The following HPSE2 variants were observed in gnomAD, a reference collection of about 807,000 sequenced individuals.
HPSE2 encodes the protein heparanase 2 (inactive).
In HPSE2, 38 loss-of-function variants were observed where a neutral mutation model predicts 60.5. The ratio of observed to expected loss-of-function variants is 0.63; its 90% CI spans 0.48 to 0.82. HPSE2 has a LOEUF of 0.82. Among genes scored for constraint, HPSE2 ranks in the 40% least tolerant of loss-of-function variants. HPSE2 has a pLI of 0.00. For synonymous variants in HPSE2, 295 were observed against 293.2 expected (o/e 1.01, Z -0.06); for missense variants, 713 against 740.4 (o/e 0.96, Z 0.43).
intron 11 of HPSE2, among the ~76,000 whole-genome samples, chr10:98,463,570 G>A (rs1037957149): frequency 2.0e-5 from 3 of 152,150 alleles, no homozygotes; most frequent in Admixed American, 6.5e-5. Context: ...GGGAGGCTGA[G>A]GCAGGAGGAT....
chr10:99,155,015 C>T (rs1032163832), intron 2 of HPSE2, among the ~76,000 whole-genome samples: 30 of 150,728 alleles, frequency 2.0e-4, no homozygotes, highest in African/African-American at 7.0e-4. Context: ...AAGGACATTA[C>T]ATAATGGTAA....
chr10:99,163,390 C>G (rs1397722786), intron 2 of HPSE2, among the ~76,000 whole-genome samples: 1 of 152,120 alleles, frequency 6.6e-6, no homozygotes, highest in East Asian at 1.9e-4. Flanking sequence ...GTAAAGTCCT[C>G]AGTTTACCAC....
chr10:98,624,108 A>G (rs1946143557), intron 7 of HPSE2, among the ~76,000 whole-genome samples: 1 of 152,214 alleles, frequency 6.6e-6, no homozygotes, highest in African/African-American at 2.4e-5. Context: ...GGTCTATAGC[A>G]ATGAAGCATA....
intron 3 of HPSE2, among the ~76,000 whole-genome samples, chr10:98,836,074 T>C (rs938818744): frequency 1.2e-4 from 18 of 152,208 alleles, no homozygotes; most frequent in African/African-American, 4.3e-4. Flanking sequence ...CTTCAATCCA[T>C]ACAAGGAAAG....
Position 99,126,449 on chromosome 10 carries a change from T to A in HPSE2, c.610+17789A>T, listed in dbSNP as rs1203090853. ...GCCTGGGAAACCAGAATAGTTACCC[T>A]GGCCAATGTATGGCAAGCGTAGATC... On this transcript the variant is annotated intron_variant, in intron 3 of 11. Transcript: ENST00000370552. The surrounding 1 kb of genome is among the most constrained non-coding windows in gnomAD (Gnocchi z 4.0). Among the ~76,000 whole-genome samples, 2 of 152,172 alleles carry A rather than the reference T, an allele frequency of 1.3e-5. No homozygotes were observed. Among genetic ancestry groups the A allele is most frequent in the Non-Finnish European group, 2.9e-5 (2 of 68,032 alleles).
At chr10:98,889,175 C>T (rs1008827451) in intron 3 of HPSE2, among the ~76,000 whole-genome samples, 11 of 147,660 alleles carry the variant, frequency 7.4e-5, no homozygotes, top group African/African-American at 2.8e-4. Flanking sequence ...ATCTTATAGA[C>T]TAGATTTTGC....
chr10:99,235,823 C>T lies in HPSE2; in HGVS notation c.-21G>A, dbSNP rs779563984. ...CTCATTCAATCCCTCTGATTTAAACCTCTCTTCCTACTGGGTCTCGCTAGT... is the reference window on the plus strand; with the variant it reads ...CTCATTCAATCCCTCTGATTTAAACTTCTCTTCCTACTGGGTCTCGCTAGT... On this transcript the variant is annotated 5_prime_UTR_variant, in exon 1 of 12. Transcript: ENST00000370552. The T allele has an allele frequency of 5.0e-6, 8 of 1,608,406 alleles. No individual in the cohort carries two copies. The Admixed American group carries it at 6.7e-5, about 13-fold the overall frequency.
chr10:99,262,528 C>A, the HPSE2 span, among the ~76,000 whole-genome samples: 1 of 152,202 alleles, frequency 6.6e-6, no homozygotes, highest in African/African-American at 2.4e-5. Context: ...TCATGCACCC[C>A]TTACTATCCC....
At chr10:98,505,027 C>T (rs1413296860) in intron 9 of HPSE2, among the ~76,000 whole-genome samples, 1 of 152,152 alleles carries the variant, frequency 6.6e-6, no homozygotes, top group Non-Finnish European at 1.5e-5. Context: ...CATGCACTTA[C>T]AGTTTGTTCC....
chr10:98,851,770 A>C (rs1474150101), intron 3 of HPSE2, among the ~76,000 whole-genome samples: 4 of 152,186 alleles, frequency 2.6e-5, no homozygotes, highest in African/African-American at 9.7e-5. Context: ...CACCTCCAAG[A>C]AAGTTTCAAT....
chr10:99,094,541 T>TATATATA (rs1491238747), intron 3 of HPSE2, among the ~76,000 whole-genome samples: 3 of 13,676 alleles, frequency 2.2e-4, no homozygotes, highest in Non-Finnish European at 2.9e-4. Context: ...TATATATATA[T>TATATATA]TTTTTTTTTT....
At chr10:98,952,774 T>A (rs867005756) in intron 3 of HPSE2, among the ~76,000 whole-genome samples, 17 of 152,300 alleles carry the variant, frequency 1.1e-4, no homozygotes, top group African/African-American at 2.9e-4. Context: ...TCTTGCTGTG[T>A]CCTCACATGG....
chr10:98,957,678 C>T (rs1249526513), intron 3 of HPSE2, among the ~76,000 whole-genome samples: 1 of 152,136 alleles, frequency 6.6e-6, no homozygotes, highest in African/African-American at 2.4e-5. Context: ...TCTTGAGTCT[C>T]ACTCTCTCTC....
At chr10:98,755,661 A>C (rs1187491642) in intron 3 of HPSE2, among the ~76,000 whole-genome samples, 1 of 152,122 alleles carries the variant, frequency 6.6e-6, no homozygotes, top group African/African-American at 2.4e-5. Context: ...CATATCACCC[A>C]CCCTCTCAGA....
intron 3 of HPSE2, among the ~76,000 whole-genome samples, chr10:98,858,865 T>C (rs1045917497): frequency 1.3e-5 from 2 of 152,186 alleles, no homozygotes; most frequent in Non-Finnish European, 2.9e-5. Flanking sequence ...GAAACAATGT[T>C]ACAAATCAGA....
intron 6 of HPSE2, among the ~76,000 whole-genome samples, chr10:98,649,684 T>C (rs1946866037): frequency 6.6e-6 from 1 of 152,184 alleles, no homozygotes; most frequent in African/African-American, 2.4e-5. Context: ...GGTAGATAAG[T>C]AAAAGCATGG....
chr10:98,749,481 GTATA>G (rs1949704908), intron 3 of HPSE2, among the ~76,000 whole-genome samples: 1 of 150,320 alleles, frequency 6.7e-6, no homozygotes, highest in South Asian at 2.1e-4. Context: ...ATACATGCAT[GTATA>G]TATACAGATA....
intron 3 of HPSE2, among the ~76,000 whole-genome samples, chr10:99,111,587 AT>A (rs1844465383): frequency 6.6e-6 from 1 of 152,218 alleles, no homozygotes; most frequent in Non-Finnish European, 1.5e-5. Flanking sequence ...CAAACCACAT[AT>A]CTACAGGTGC....
At chr10:98,721,890 T>C in intron 4 of HPSE2, 62 bp from the exon 5 acceptor site, 1 of 1,316,392 alleles carries the variant, frequency 7.6e-7, no homozygotes, top group Non-Finnish European at 1.1e-6. Flanking sequence ...AACACTTTCC[T>C]GTCCACAGAT....
Sources: allele counts gnomAD v4.1 joint callset (sites outside exome capture counted in the v4.1 genomes callset), GRCh38; gene constraint gnomAD v4.1.1; non-coding constraint Gnocchi (gnomAD v3.1); transcripts MANE v1.5; gene names NCBI Gene and HGNC (gene_info 2026-07-23, HGNC 2026-07-21).